The following NAALADL2 variants were observed in gnomAD, a reference collection of about 807,000 sequenced individuals.
NAALADL2 encodes the protein inactive N-acetylated-alpha-linked acidic dipeptidase-like protein 2.
Under a neutral mutation model 87.2 loss-of-function variants are expected in NAALADL2, and 76 were observed. The ratio of observed to expected loss-of-function variants is 0.87; its 90% CI spans 0.72 to 1.05. The LOEUF (loss-of-function observed/expected upper bound fraction) is 1.05. NAALADL2 is among the 50% of genes least tolerant of loss of function. The probability of loss-of-function intolerance (pLI) is 0.00; values close to 1 mark genes in which losing one functional copy is unlikely to be tolerated. For missense variants in NAALADL2, 1,089 were observed against 945.8 expected, an observed-to-expected ratio of 1.15 and a Z score of -1.99; for synonymous variants, 354 against 331.0, an observed-to-expected ratio of 1.07 and a Z score of -0.75.
At chr3:174,738,962 A>G (rs182229281) in intron 3 of NAALADL2, among the ~76,000 whole-genome samples, 38 of 152,316 alleles carry the variant, frequency 2.5e-4, no homozygotes, top group African/African-American at 9.1e-4. Context: ...CAACTCTAGG[A>G]CTGACATCCA....
intron 2 of NAALADL2, among the ~76,000 whole-genome samples, chr3:175,202,143 C>A (rs1740139093): frequency 6.6e-6 from 1 of 152,112 alleles, no homozygotes; most frequent in South Asian, 2.1e-4. Flanking sequence ...GCCAATCTGG[C>A]CCAAAATTCA....
intron 3 of NAALADL2, among the ~76,000 whole-genome samples, chr3:174,784,351 G>A (rs952791609): frequency 1.3e-5 from 2 of 152,060 alleles, no homozygotes; most frequent in Non-Finnish European, 2.9e-5. Context: ...GCATTATGTG[G>A]CGAGTCTTTG....
At chr3:174,885,873 GTTGTTTTTTTTTTTTTTTTTTTTTTT>G (rs1730043239) in intron 1 of NAALADL2, among the ~76,000 whole-genome samples, 1 of 83,768 alleles carries the variant, frequency 1.2e-5, no homozygotes, top group Non-Finnish European at 2.3e-5. Flanking sequence ...GCCAGTCCGA[GTTGTTTTTTTTTTTTTTTTTTTTTTT>G]TTTTTTTTTT....
intron 5 of NAALADL2, among the ~76,000 whole-genome samples, chr3:175,388,829 T>A (rs1336821763): frequency 6.6e-6 from 1 of 152,146 alleles, no homozygotes. Context: ...CAGAACCAAA[T>A]CATAATATCA....
intron 2 of NAALADL2, among the ~76,000 whole-genome samples, chr3:175,213,031 A>G (rs916578321): frequency 2.0e-5 from 3 of 152,136 alleles, no homozygotes; most frequent in Non-Finnish European, 4.4e-5. Context: ...CAAGCCTAAA[A>G]TAGAAACTAC....
chr3:174,458,578 T>C (rs1015020944), intron 1 of NAALADL2: 17 of 152,238 alleles, frequency 1.1e-4, no homozygotes, highest in Admixed American at 1.1e-3. Context: ...TAAGTCTCTG[T>C]TCTTTGCCAA....
chr3:174,443,367 A>T (rs1257714338), intron 1 of NAALADL2, among the ~76,000 whole-genome samples: 1 of 152,190 alleles, frequency 6.6e-6, no homozygotes, highest in Non-Finnish European at 1.5e-5. Flanking sequence ...GAGAGATAGG[A>T]TATGGAATGT....
chr3:175,271,747 G>A (rs1296960809), intron 4 of NAALADL2, among the ~76,000 whole-genome samples: 1 of 152,146 alleles, frequency 6.6e-6, no homozygotes, highest in Non-Finnish European at 1.5e-5. Context: ...GTGAGCCGAG[G>A]TCGTGCCACT....
At chr3:174,968,703 C>T (rs1283504317) in intron 1 of NAALADL2, among the ~76,000 whole-genome samples, 1 of 152,152 alleles carries the variant, frequency 6.6e-6, no homozygotes, top group Non-Finnish European at 1.5e-5. Context: ...TTGTCTTGAA[C>T]TCCTGACCTC....
intron 3 of NAALADL2, among the ~76,000 whole-genome samples, chr3:174,789,911 A>T (rs1228313045): frequency 6.6e-6 from 1 of 152,116 alleles, no homozygotes; most frequent in Admixed American, 6.5e-5. Flanking sequence ...ACCAAGCCTG[A>T]CTCTGGAAGC....
chr3:175,032,608 C>T (rs993730933), intron 1 of NAALADL2, among the ~76,000 whole-genome samples: 1 of 152,002 alleles, frequency 6.6e-6, no homozygotes, highest in Non-Finnish European at 1.5e-5. Flanking sequence ...GTGCCTTTGC[C>T]TTTACCTGGC....
intron 3 of NAALADL2, among the ~76,000 whole-genome samples, chr3:174,793,856 G>A (rs1014597586): frequency 6.7e-6 from 1 of 150,326 alleles, no homozygotes; most frequent in African/African-American, 2.4e-5. Context: ...CTAACTGCAT[G>A]CTTTTATATC....
intron 1 of NAALADL2, among the ~76,000 whole-genome samples, chr3:175,074,615 C>T (rs1716252434): frequency 6.6e-6 from 1 of 151,880 alleles, no homozygotes; most frequent in Admixed American, 6.6e-5. Flanking sequence ...TAGGGAGTTA[C>T]TGTTAATTAT....
intron 1 of NAALADL2, among the ~76,000 whole-genome samples, chr3:174,506,216 T>C (rs1356747072): frequency 6.6e-6 from 1 of 151,776 alleles, no homozygotes; most frequent in Non-Finnish European, 1.5e-5. Flanking sequence ...GGTCTCATTC[T>C]ATTTCCCAGG....
chr3:174,752,555 C>A (rs902820260), intron 3 of NAALADL2, among the ~76,000 whole-genome samples: 1 of 151,056 alleles, frequency 6.6e-6, no homozygotes, highest in Non-Finnish European at 1.5e-5. Context: ...TTGTGTATTT[C>A]TATTTTATTT....
At chr3:174,692,007 G>A (rs1480278971) in intron 2 of NAALADL2, 2 of 152,114 alleles carry the variant, frequency 1.3e-5, no homozygotes, top group African/African-American at 4.8e-5. Flanking sequence ...AACACTCCAA[G>A]TCATCCTTGA....
At chr3:175,417,095 C>G (rs1013164574) in intron 5 of NAALADL2, among the ~76,000 whole-genome samples, 1 of 108,548 alleles carries the variant, frequency 9.2e-6, no homozygotes, top group Non-Finnish European at 1.9e-5. Flanking sequence ...AACAAGCAGC[C>G]AAAATACAGA....
chr3:175,791,380 C>T (rs1752756881), intron 13 of NAALADL2, among the ~76,000 whole-genome samples: 1 of 152,166 alleles, frequency 6.6e-6, no homozygotes, highest in African/African-American at 2.4e-5. Context: ...GAAGGTGAAT[C>T]AGGGTCCAGA....
intron 1 of NAALADL2, among the ~76,000 whole-genome samples, chr3:174,928,539 C>T (rs1736425570): frequency 6.6e-6 from 1 of 152,080 alleles, no homozygotes; most frequent in Non-Finnish European, 1.5e-5. Context: ...CGCGCATTGC[C>T]CTTATGTGAT....
Sources: gnomAD v4.1 joint callset for allele counts (sites outside exome capture counted in the v4.1 genomes callset) on GRCh38, gnomAD v4.1.1 for gene constraint, MANE v1.5 for transcripts, NCBI Gene and HGNC (gene_info 2026-07-23, HGNC 2026-07-21) for gene names.